Variants in RAB6A observed in about 807,000 individuals in gnomAD.
RAB6A encodes ras-related protein Rab-6A.
In RAB6A, 8 loss-of-function variants were observed where a neutral mutation model predicts 32.3. The observed-to-expected ratio is 0.25, with a 90% CI of 0.15 to 0.45. The LOEUF is 0.45. RAB6A is among the 20% of genes least tolerant of loss of function. The probability of loss-of-function intolerance (pLI) is 1.00; values close to 1 mark genes in which losing one functional copy is unlikely to be tolerated. For missense variants in RAB6A, 104 were observed against 249.4 expected (o/e 0.42, Z 3.93); for synonymous variants, 73 against 82.1 (o/e 0.89, Z 0.60).
intron 6 of RAB6A, among the ~76,000 whole-genome samples, chr11:73,707,203 A>G (rs1237951321): frequency 6.6e-6 from 1 of 151,996 alleles, no homozygotes; most frequent in Non-Finnish European, 1.5e-5. Context: ...TGGTAGATTT[A>G]CCACTTTGCA....
chr11:73,749,996 A>C (rs1946650274), intron 1 of RAB6A, among the ~76,000 whole-genome samples: 1 of 152,222 alleles, frequency 6.6e-6, no homozygotes, highest in African/African-American at 2.4e-5. Flanking sequence ...TCTTACCTCT[A>C]ATTACAACAT....
At chr11:73,738,138 T>C (rs925853614) in intron 1 of RAB6A, among the ~76,000 whole-genome samples, 2 of 152,130 alleles carry the variant, frequency 1.3e-5, no homozygotes, top group Admixed American at 6.5e-5. Flanking sequence ...ATGGTTGTAC[T>C]AAATGTGAAT....
At chr11:73,746,844 C>G (rs1008834913) in intron 1 of RAB6A, among the ~76,000 whole-genome samples, 1 of 151,992 alleles carries the variant, frequency 6.6e-6, no homozygotes, top group African/African-American at 2.4e-5. Context: ...TTACTAACCA[C>G]GCAACCATGA....
intron 2 of RAB6A, 27 bp downstream of exon 2, chr11:73,730,738 A>G: frequency 1.3e-6 from 2 of 1,553,770 alleles, no homozygotes; most frequent in African/African-American, 1.4e-5. Context: ...AAAATAGACA[A>G]CAAATAAATT....
chr11:73,759,885 T>C (rs1291720206), intron 1 of RAB6A, among the ~76,000 whole-genome samples: 5 of 152,240 alleles, frequency 3.3e-5, no homozygotes, highest in Middle Eastern at 6.8e-3. Flanking sequence ...CACAGCCCCA[T>C]CTAACCTAAG....
chr11:73,749,047 C>T (rs1244928630), intron 1 of RAB6A, among the ~76,000 whole-genome samples: 3 of 152,010 alleles, frequency 2.0e-5, no homozygotes, highest in Non-Finnish European at 2.9e-5. Flanking sequence ...ATCTCTTGAA[C>T]CCGGAAGGCA....
At chr11:73,760,310 G>A (rs1288851623) in intron 1 of RAB6A, among the ~76,000 whole-genome samples, 5 of 152,136 alleles carry the variant, frequency 3.3e-5, no homozygotes. Flanking sequence ...GGGGAGGGAG[G>A]GCAGATCGAC....
Position 73,731,731 on chromosome 11 carries a change from TAC to T in RAB6A, c.71-910_71-909del, listed in dbSNP as rs148400595. 7.3e-3 allele frequency among the ~76,000 whole-genome samples: 123 copies of T among 16,958 alleles called. 1 individual carries two copies. Among genetic ancestry groups the T allele is most frequent in the African/African-American group, 0.024 (119 of 4,876 alleles). The allele number at this position is 16,958 out of a possible 152,430, so 11.1% of individuals were successfully genotyped here. On this transcript the variant is annotated intron_variant, in intron 1 of 7. Transcript: ENST00000336083. ...ATATATATATATATATATATATATA[TAC>T]ACACACACACACATATTTTCTTTTT...
At chr11:73,694,923 C>T (rs1945632904) in intron 6 of RAB6A, among the ~76,000 whole-genome samples, 2 of 152,090 alleles carry the variant, frequency 1.3e-5, no homozygotes, top group Middle Eastern at 3.4e-3. Context: ...GGCTGAGGCA[C>T]GAGAATCGCT....
intron 7 of RAB6A, among the ~76,000 whole-genome samples, chr11:73,678,364 C>T (rs149359478): frequency 6.6e-6 from 1 of 152,292 alleles, no homozygotes; most frequent in Non-Finnish European, 1.5e-5. Context: ...TGCCTGTAAT[C>T]CCAACACTTT....
intron 1 of RAB6A, among the ~76,000 whole-genome samples, chr11:73,751,073 G>A (rs1033541825): frequency 2.0e-5 from 3 of 152,086 alleles, no homozygotes; most frequent in African/African-American, 7.2e-5. Context: ...CCAAAGTGCT[G>A]GGATTACAGG....
chr11:73,681,557 A>T (rs1408029511), intron 6 of RAB6A, among the ~76,000 whole-genome samples: 1 of 152,262 alleles, frequency 6.6e-6, no homozygotes, highest in African/African-American at 2.4e-5. Context: ...TCACGCCTGT[A>T]ATCTCAGCAC....
chr11:73,691,922 G>A (rs906393603), intron 6 of RAB6A, among the ~76,000 whole-genome samples: 2 of 151,916 alleles, frequency 1.3e-5, no homozygotes, highest in South Asian at 2.1e-4. Flanking sequence ...GCAGTGAGCC[G>A]AGATCACATC....
At position 73,677,191 on chromosome 11, in the gene RAB6A, T is replaced by C. The variant is rs1945281375; in HGVS notation, c.*707A>G. On this transcript the variant is annotated 3_prime_UTR_variant, in exon 8 of 8. Coordinates refer to ENST00000336083, the MANE Select transcript of RAB6A (RefSeq NM_198896.2). ...GTTTTAGTCAGAAATACATCTTATG[T>C]TCTTCTACTTCTAAGTACTCAGTAT... 1 of 167,148 alleles carries C rather than the reference T, an allele frequency of 6.0e-6. No individual in the cohort carries two copies. The highest frequency in any genetic ancestry group is 1.5e-5 in the Non-Finnish European group (1 of 68,148). 10.4% of individuals were successfully genotyped at this position (167,148 alleles called of 1,614,324 possible).
At chr11:73,718,574 T>C in intron 4 of RAB6A, 39 bp downstream of exon 4, 9 of 1,521,258 alleles carry the variant, frequency 5.9e-6, no homozygotes, top group East Asian at 4.5e-5. Flanking sequence ...AAGCTAAAGG[T>C]TGAAAGAAGA....
intron 2 of RAB6A, among the ~76,000 whole-genome samples, chr11:73,727,975 T>C (rs971051201): frequency 5.3e-5 from 8 of 152,226 alleles, no homozygotes; most frequent in African/African-American, 1.9e-4. Context: ...TGTTTTCTTT[T>C]TTTAACTTAA....
intron 1 of RAB6A, among the ~76,000 whole-genome samples, chr11:73,742,330 T>C (rs548080036): frequency 4.1e-4 from 62 of 152,014 alleles, no homozygotes; most frequent in African/African-American, 1.2e-3. Context: ...AGAAACAGGG[T>C]CTGGCTATGG....
intron 1 of RAB6A, among the ~76,000 whole-genome samples, chr11:73,751,151 G>A (rs969862989): frequency 5.3e-5 from 8 of 152,150 alleles, no homozygotes; most frequent in African/African-American, 4.8e-5. Context: ...TCACTGGCCT[G>A]ACTCTATAGT....
chr11:73,703,921 T>C (rs1945790103), intron 6 of RAB6A, among the ~76,000 whole-genome samples: 1 of 146,960 alleles, frequency 6.8e-6, no homozygotes, highest in African/African-American at 2.5e-5. Flanking sequence ...TCCCAGCTAT[T>C]TGGGAGGCTG....
Sources: allele counts gnomAD v4.1 joint callset (sites outside exome capture counted in the v4.1 genomes callset), GRCh38; gene constraint gnomAD v4.1.1; transcripts MANE v1.5; gene names NCBI Gene and HGNC (gene_info 2026-07-23, HGNC 2026-07-21).